The following MACROD2 variants were observed in gnomAD, a reference collection of about 807,000 sequenced individuals.
The protein encoded by MACROD2 is mono-ADP ribosylhydrolase 2.
Under a neutral mutation model 70.4 loss-of-function variants are expected in MACROD2, and 36 were observed. That is an observed-to-expected ratio of 0.51 (90% CI 0.39 to 0.68). MACROD2 has a LOEUF of 0.68. MACROD2 is among the 30% of genes least tolerant of loss of function. MACROD2 has a pLI of 0.00. For missense variants in MACROD2, 496 were observed against 538.4 expected, an observed-to-expected ratio of 0.92 and a Z score of 0.78; for synonymous variants, 172 against 178.8, an observed-to-expected ratio of 0.96 and a Z score of 0.30.
intron 5 of MACROD2, among the ~76,000 whole-genome samples, chr20:15,072,464 A>T (rs548386370): frequency 4.6e-5 from 7 of 152,218 alleles, no homozygotes; most frequent in African/African-American, 1.7e-4. Context: ...CAAATGAATA[A>T]AACTCTTTGC....
intron 5 of MACROD2, among the ~76,000 whole-genome samples, chr20:14,743,195 C>T (rs970210400): frequency 1.5e-4 from 23 of 152,086 alleles, no homozygotes; most frequent in African/African-American, 5.6e-4. Flanking sequence ...TTAGACACAG[C>T]TTTCCAATAA....
At chr20:14,847,585 G>A (rs1481234727) in intron 5 of MACROD2, among the ~76,000 whole-genome samples, 6 of 149,710 alleles carry the variant, frequency 4.0e-5, no homozygotes, top group East Asian at 2.0e-4. Context: ...ATGCAAATGA[G>A]GCACACTTCA....
intron 8 of MACROD2, among the ~76,000 whole-genome samples, chr20:15,801,343 A>G (rs1195806150): frequency 3.3e-5 from 5 of 152,000 alleles, no homozygotes; most frequent in Non-Finnish European, 7.4e-5. Flanking sequence ...ATGCTGGAGG[A>G]GGCTCAGCAG....
chr20:15,123,348 T>G (rs1003789183), intron 5 of MACROD2, among the ~76,000 whole-genome samples: 8 of 152,126 alleles, frequency 5.3e-5, no homozygotes, highest in Non-Finnish European at 1.2e-4. Context: ...ACATCAACAC[T>G]TGCCCAAGAC....
intron 5 of MACROD2, among the ~76,000 whole-genome samples, chr20:15,209,652 C>A (rs2076744099): frequency 6.6e-6 from 1 of 152,178 alleles, no homozygotes; most frequent in South Asian, 2.1e-4. Context: ...GATGCAGAAA[C>A]CTTCCCAGCA....
At chr20:15,153,618 C>G (rs933316565) in intron 5 of MACROD2, among the ~76,000 whole-genome samples, 3 of 152,166 alleles carry the variant, frequency 2.0e-5, no homozygotes, top group Admixed American at 6.5e-5. Flanking sequence ...ATGGACCTGT[C>G]TCATAAGCAT....
intron 3 of MACROD2, among the ~76,000 whole-genome samples, chr20:14,477,644 A>G (rs1273686725): frequency 2.0e-5 from 3 of 152,160 alleles, no homozygotes; most frequent in Non-Finnish European, 4.4e-5. Flanking sequence ...ATTCAAAATT[A>G]TACTTTTTAT....
chr20:15,101,176 A>G (rs996284250), intron 5 of MACROD2, among the ~76,000 whole-genome samples: 1 of 152,112 alleles, frequency 6.6e-6, no homozygotes, highest in African/African-American at 2.4e-5. Flanking sequence ...GGTATTTAGA[A>G]AGTTCTGGCA....
chr20:16,035,670 A>C (rs1601359956), intron 15 of MACROD2, among the ~76,000 whole-genome samples: 1 of 152,144 alleles, frequency 6.6e-6, no homozygotes, highest in East Asian at 1.9e-4. Flanking sequence ...ACAGTAATGT[A>C]ATGCTTCATC....
At chr20:15,958,768 G>A (rs2066015517) in intron 12 of MACROD2, among the ~76,000 whole-genome samples, 1 of 152,152 alleles carries the variant, frequency 6.6e-6, no homozygotes, top group Non-Finnish European at 1.5e-5. Context: ...AGTAATTGAG[G>A]CTAGATGAGG....
intron 3 of MACROD2, among the ~76,000 whole-genome samples, chr20:14,102,287 C>T (rs958365671): frequency 5.3e-5 from 8 of 152,006 alleles, no homozygotes; most frequent in South Asian, 2.1e-4. Context: ...CAGGCTTGAG[C>T]GACCGCGGCT....
intron 3 of MACROD2, among the ~76,000 whole-genome samples, chr20:14,293,927 G>A (rs1262925149): frequency 6.6e-6 from 1 of 151,838 alleles, no homozygotes; most frequent in Non-Finnish European, 1.5e-5. Context: ...TTTTCCAGCA[G>A]CATTGCATTA....
chr20:14,869,563 A>G (rs115937063), intron 5 of MACROD2, among the ~76,000 whole-genome samples: 2 of 152,076 alleles, frequency 1.3e-5, no homozygotes, highest in Non-Finnish European at 1.5e-5. Flanking sequence ...GTTGCTGTCA[A>G]CCTCTCTCCC....
At chr20:15,615,883 T>A (rs1285170900) in intron 8 of MACROD2, among the ~76,000 whole-genome samples, 1 of 152,234 alleles carries the variant, frequency 6.6e-6, no homozygotes. Flanking sequence ...TAATAATATA[T>A]TAATTCCAGT....
At chr20:14,725,736 C>G (rs1196646625) in intron 5 of MACROD2, among the ~76,000 whole-genome samples, 1 of 152,132 alleles carries the variant, frequency 6.6e-6, no homozygotes, top group Non-Finnish European at 1.5e-5. Flanking sequence ...TAGAATATGC[C>G]TCAGAGTAGC....
At position 14,480,589 on chromosome 20, in the gene MACROD2, C is replaced by T. The variant is rs1241950371; in HGVS notation, c.272-12890C>T. On this transcript the variant is annotated intron_variant, in intron 3 of 17. Coordinates refer to ENST00000684519, the MANE Select transcript of MACROD2 (RefSeq NM_001351661.2). ...AGCCTCTGTAGTCAGTAATCAGCTT[C>T]TCACCAATGATAATACTTCTGTCTG... 2.0e-5 allele frequency among the ~76,000 whole-genome samples: 3 copies of T among 152,292 alleles called. No individual in the cohort carries two copies. In the East Asian group the frequency reaches 5.8e-4, roughly 29 times the overall value.
chr20:15,497,671 G>T (rs936241818), intron 7 of MACROD2, among the ~76,000 whole-genome samples: 3 of 152,038 alleles, frequency 2.0e-5, no homozygotes, highest in South Asian at 2.1e-4. Context: ...CTTTCCCATT[G>T]ATTCCTCGGG....
At chr20:15,476,349 A>C (rs909214820) in intron 7 of MACROD2, among the ~76,000 whole-genome samples, 1 of 152,224 alleles carries the variant, frequency 6.6e-6, no homozygotes, top group Non-Finnish European at 1.5e-5. Flanking sequence ...GAAAAGGAAA[A>C]TGAAAGTGAA....
intron 3 of MACROD2, among the ~76,000 whole-genome samples, chr20:14,174,565 G>A (rs6033894): frequency 0.013 from 1,961 of 152,216 alleles, 41 homozygotes; most frequent in African/African-American, 0.045. Flanking sequence ...GGTGAACAGG[G>A]CTAAGAACTT....
Sources: allele counts gnomAD v4.1 joint callset (sites outside exome capture counted in the v4.1 genomes callset), GRCh38; gene constraint gnomAD v4.1.1; transcripts MANE v1.5; gene names NCBI Gene and HGNC (gene_info 2026-07-23, HGNC 2026-07-21).